The following DLG2 variants were observed in gnomAD, a reference collection of about 807,000 sequenced individuals.
The protein encoded by DLG2 is discs large MAGUK scaffold protein 2.
DLG2 carries 45 observed loss-of-function variants against 132.5 expected under a neutral mutation model. The ratio of observed to expected loss-of-function variants is 0.34; its 90% CI spans 0.27 to 0.44. The LOEUF is 0.44. Ranked by LOEUF, DLG2 falls within the 20% of genes least tolerant of loss-of-function variation. The pLI is 1.00. For missense variants in DLG2, 1,045 were observed against 1,196.9 expected, an observed-to-expected ratio of 0.87 and a Z score of 1.87; for synonymous variants, 424 against 419.6, an observed-to-expected ratio of 1.01 and a Z score of -0.13.
chr11:85,003,940 A>C (rs1308596821), intron 6 of DLG2, among the ~76,000 whole-genome samples: 1 of 152,126 alleles, frequency 6.6e-6, no homozygotes, highest in Non-Finnish European at 1.5e-5. Flanking sequence ...CTCATTGTTC[A>C]ACTCCCACTT....
chr11:84,699,578 CT>C (rs558200118), intron 6 of DLG2, among the ~76,000 whole-genome samples: 25 of 151,468 alleles, frequency 1.7e-4, no homozygotes, highest in Admixed American at 5.9e-4. Flanking sequence ...GAATTCTCAC[CT>C]GATTTGGCCC....
intron 7 of DLG2, among the ~76,000 whole-genome samples, chr11:84,492,196 A>T (rs1021653014): frequency 6.6e-6 from 1 of 152,294 alleles, no homozygotes; most frequent in East Asian, 1.9e-4. Context: ...AAGGGTTTTT[A>T]AAATTATTTT....
intron 6 of DLG2, among the ~76,000 whole-genome samples, chr11:84,935,078 T>C (rs560872487): frequency 3.9e-5 from 6 of 152,278 alleles, no homozygotes; most frequent in African/African-American, 9.6e-5. Flanking sequence ...GTCAGAAATC[T>C]AGCAGTCACC....
At chr11:85,342,629 T>A (rs2082576328) in intron 3 of DLG2, among the ~76,000 whole-genome samples, 1 of 152,020 alleles carries the variant, frequency 6.6e-6, no homozygotes, top group African/African-American at 2.4e-5. Flanking sequence ...TCATTTATTA[T>A]CATTATCAAG....
In DLG2 at chr11:83,507,760, A is replaced by ATT. The variant is rs2094795344; in HGVS notation, c.2194-23533_2194-23532insAA. ...TTATATTTACATATATATTTTTATTATATATATATATATATATATATATAT... is the reference window on the plus strand; with the variant it reads ...TTATATTTACATATATATTTTTATTATTTATATATATATATATATATATATAT... On this transcript the variant is annotated intron_variant, in intron 21 of 27. Transcript: ENST00000376104. Among the ~76,000 whole-genome samples the ATT allele has an allele frequency of 2.3e-4, 2 of 8,866 alleles. 1 individual carries two copies. Among genetic ancestry groups the ATT allele is most frequent in the South Asian group, 7.6e-3 (2 of 262 alleles). The allele number at this position is 8,866 out of a possible 152,430, so 5.8% of individuals were successfully genotyped here. A position where few individuals can be genotyped will look rare whatever the true frequency, so the allele number is the denominator to read the frequency against.
intron 7 of DLG2, among the ~76,000 whole-genome samples, chr11:84,312,274 G>A (rs1440841768): frequency 1.3e-5 from 2 of 152,116 alleles, no homozygotes; most frequent in Non-Finnish European, 2.9e-5. Flanking sequence ...TTTGAGACCA[G>A]ACTGGCCAAT....
In DLG2 at chr11:84,082,408, C is replaced by T. The variant is rs193067682; in HGVS notation, c.749+16515G>A. Reference sequence around the variant, plus strand: ...TATTTTTCAAATTTTCTATGAGGTACATCCATTACTTTATAATCAGAGAAA... The same window carrying T: ...TATTTTTCAAATTTTCTATGAGGTATATCCATTACTTTATAATCAGAGAAA... On this transcript the variant is annotated intron_variant, in intron 10 of 27. Coordinates refer to ENST00000376104, the MANE Select transcript of DLG2 (RefSeq NM_001142699.3). Among the ~76,000 whole-genome samples the T allele has an allele frequency of 3.2e-4, 48 of 152,216 alleles. No homozygotes were observed. The East Asian group carries it at 6.2e-3, about 20-fold the overall frequency.
chr11:83,769,602 C>T (rs1203607097), intron 18 of DLG2, among the ~76,000 whole-genome samples: 9 of 137,370 alleles, frequency 6.6e-5, no homozygotes, highest in Admixed American at 1.6e-4. Flanking sequence ...TCACTCTTGT[C>T]GCCCAGGCTG....
At chr11:83,969,842 G>C (rs1243198157) in intron 12 of DLG2, among the ~76,000 whole-genome samples, 1 of 151,972 alleles carries the variant, frequency 6.6e-6, no homozygotes, top group Non-Finnish European at 1.5e-5. Context: ...CAAAGTGCTG[G>C]GATTACAGGC....
At chr11:85,397,477 G>C in intron 3 of DLG2, among the ~76,000 whole-genome samples, 1 of 152,172 alleles carries the variant, frequency 6.6e-6, no homozygotes, top group Non-Finnish European at 1.5e-5. Context: ...AAAAGATAAA[G>C]ATTGGCAAAT....
chr11:83,573,177 A>T (rs1565863435), intron 19 of DLG2, among the ~76,000 whole-genome samples: 1 of 152,200 alleles, frequency 6.6e-6, no homozygotes, highest in Non-Finnish European at 1.5e-5. Flanking sequence ...GAATCAATTT[A>T]TGACTAAATA....
rs1353668279 is a variant in DLG2 at position 85,132,206 on chromosome 11, T to C, written c.283-20471A>G. Among the ~76,000 whole-genome samples the C allele has an allele frequency of 2.6e-5, 4 of 152,294 alleles. No homozygotes were observed. The East Asian group carries it at 7.7e-4, about 29-fold the overall frequency. ...TGCAAATATTTGTGTATAATTAAAA[T>C]AGAATTAGCTAAATATTAAATATTG... On this transcript the variant is annotated intron_variant, in intron 5 of 27. Coordinates refer to ENST00000376104, the MANE Select transcript of DLG2 (RefSeq NM_001142699.3).
chr11:85,373,221 G>A (rs910709242), intron 3 of DLG2, among the ~76,000 whole-genome samples: 1 of 152,086 alleles, frequency 6.6e-6, no homozygotes, highest in Non-Finnish European at 1.5e-5. Flanking sequence ...ACTGGTAAAA[G>A]GCCTTGGAAT....
chr11:85,290,632 T>C (rs1479597017), intron 3 of DLG2, among the ~76,000 whole-genome samples: 2 of 152,192 alleles, frequency 1.3e-5, no homozygotes, highest in Non-Finnish European at 1.5e-5. Context: ...CAATAAGTAC[T>C]TAGTATGGAT....
At chr11:83,564,683 T>C (rs1231068091) in intron 19 of DLG2, among the ~76,000 whole-genome samples, 2 of 152,164 alleles carry the variant, frequency 1.3e-5, no homozygotes, top group Non-Finnish European at 2.9e-5. Flanking sequence ...TTATTATTGG[T>C]GGGTTATCTA....
At chr11:83,999,260 G>A (rs1472498672) in intron 11 of DLG2, among the ~76,000 whole-genome samples, 1 of 152,064 alleles carries the variant, frequency 6.6e-6, no homozygotes, top group East Asian at 1.9e-4. Flanking sequence ...ATCACCATTG[G>A]TAGGTGAAAA....
intron 3 of DLG2, among the ~76,000 whole-genome samples, chr11:85,450,377 G>T (rs988172540): frequency 6.6e-6 from 1 of 151,846 alleles, no homozygotes; most frequent in Non-Finnish European, 1.5e-5. Context: ...TCACATCTGT[G>T]TATATACTAG....
chr11:85,526,583 CAAGA>C (rs1565636362), intron 3 of DLG2, among the ~76,000 whole-genome samples: 1 of 151,858 alleles, frequency 6.6e-6, no homozygotes, highest in African/African-American at 2.4e-5. Context: ...GGAGTTATAC[CAAGA>C]ATGAAGAGCA....
chr11:85,221,065 CAG>C (rs1183785608), intron 4 of DLG2, among the ~76,000 whole-genome samples: 50 of 147,778 alleles, frequency 3.4e-4, no homozygotes, highest in Admixed American at 3.0e-3. Context: ...TTTTTTGAGA[CAG>C]AGTCTCACTC....
Sources: gnomAD v4.1 joint callset for allele counts (sites outside exome capture counted in the v4.1 genomes callset) on GRCh38, gnomAD v4.1.1 for gene constraint, MANE v1.5 for transcripts, NCBI Gene and HGNC (gene_info 2026-07-23, HGNC 2026-07-21) for gene names.